NCOR2: variants seen among roughly 807,000 people sequenced by gnomAD.
NCOR2 encodes nuclear receptor corepressor 2.
A neutral mutation model predicts 262.9 loss-of-function variants in NCOR2; 81 were observed. The observed-to-expected ratio is 0.31, with a 90% confidence interval of 0.26 to 0.37. The LOEUF is 0.37. Among genes scored for constraint, NCOR2 ranks in the 10% least tolerant of loss-of-function variants. The pLI is 1.00. For missense variants in NCOR2, 3,385 were observed against 3,621.4 expected (o/e 0.93, Z 1.68); for synonymous variants, 1,659 against 1,559.3 (o/e 1.06, Z -1.51).
chr12:124,483,994 C>T lies in NCOR2; in HGVS notation c.234-221G>A, dbSNP rs1308969165. ...GGTCCACATTCACCGAGGACATTTA[C>T]AGGGAGGGAGTGTGCTACGGTGGCA... On this transcript the variant is annotated intron_variant, in intron 2 of 46. Transcript: ENST00000405201. The surrounding 1 kb of genome is among the most constrained non-coding windows in gnomAD (Gnocchi z 6.3). Among the ~76,000 whole-genome samples, 1 of 152,148 alleles carries T rather than the reference C, an allele frequency of 6.6e-6. No homozygotes were observed. Among genetic ancestry groups the T allele is most frequent in the Non-Finnish European group, 1.5e-5 (1 of 68,010 alleles).
At chr12:124,377,097 G>A (rs1005340170) in intron 18 of NCOR2, among the ~76,000 whole-genome samples, 5 of 152,200 alleles carry the variant, frequency 3.3e-5, no homozygotes, top group African/African-American at 1.2e-4. Flanking sequence ...TCGGCAGCCC[G>A]TGTTCAGTTC....
upstream of NCOR2, among the ~76,000 whole-genome samples, chr12:124,498,449 C>T (rs1360656325): frequency 6.6e-6 from 1 of 152,208 alleles, no homozygotes; most frequent in Non-Finnish European, 1.5e-5. Flanking sequence ...CCCCACCCAG[C>T]GCCTCACATG....
chr12:124,438,474 C>T (rs1182188708), intron 7 of NCOR2, among the ~76,000 whole-genome samples: 1 of 152,076 alleles, frequency 6.6e-6, no homozygotes, highest in Non-Finnish European at 1.5e-5. Context: ...CTCCAGCACA[C>T]CCAGTCCTGC....
chr12:124,401,316 T>C (rs1033208853), intron 14 of NCOR2, among the ~76,000 whole-genome samples: 8 of 152,232 alleles, frequency 5.3e-5, no homozygotes, highest in Admixed American at 3.9e-4. Flanking sequence ...GGCTATTTTA[T>C]TCCCCAAATG....
At chr12:124,555,217 G>T (rs2051843957) in intron 1 of NCOR2, among the ~76,000 whole-genome samples, 1 of 152,202 alleles carries the variant, frequency 6.6e-6, no homozygotes, top group Non-Finnish European at 1.5e-5. Context: ...AAGCGAGCTT[G>T]CCTGCATCCT....
intron 1 of NCOR2, among the ~76,000 whole-genome samples, chr12:124,546,839 G>C (rs1352948847): frequency 7.9e-5 from 12 of 152,162 alleles, no homozygotes; most frequent in Non-Finnish European, 1.6e-4. Context: ...AGACGGTCCT[G>C]CCTGTGAGTG....
chr12:124,371,909 C>CG (rs1471530525), intron 20 of NCOR2, 113 bp downstream of exon 22: 1 of 1,103,930 alleles, frequency 9.1e-7, no homozygotes, highest in East Asian at 2.7e-5. Context: ...AACCACACCT[C>CG]GGGCTCCCCC....
Position 124,405,822 on chromosome 12 carries a change from C to T in NCOR2, c.1483-3261G>A, listed in dbSNP as rs2042245210. Among the ~76,000 whole-genome samples, 2 of 151,570 alleles carry T rather than the reference C, an allele frequency of 1.3e-5. 1 individual carries two copies. The highest frequency in any genetic ancestry group is 4.1e-4 in the South Asian group (2 of 4,830). ...GTTTTAGGGCAGCAAGTGCAGCAGC[C>T]GACACTGGCGAGGCTGGGCTGCTGG... On this transcript the variant is annotated intron_variant, in intron 13 of 46. Coordinates refer to ENST00000405201, the Ensembl canonical transcript of NCOR2.
intron 13 of NCOR2, among the ~76,000 whole-genome samples, chr12:124,417,137 A>G (rs957294314): frequency 6.7e-6 from 1 of 150,126 alleles, no homozygotes; most frequent in Non-Finnish European, 1.5e-5. Context: ...AGCAGACCAG[A>G]CACTCACTCC....
exon 36 of NCOR2, chr12:124,340,392 T>C: frequency 6.2e-7 from 1 of 1,613,070 alleles, no homozygotes; most frequent in Non-Finnish European, 8.5e-7. Flanking sequence ...CCGGTCTCGC[T>C]CCCGCTCGGA....
At chr12:124,375,220 A>G (rs533373013) in intron 18 of NCOR2, among the ~76,000 whole-genome samples, 101 of 152,304 alleles carry the variant, frequency 6.6e-4, no homozygotes, top group Non-Finnish European at 1.1e-3. Flanking sequence ...CAGCAATGTC[A>G]TTCCCTTCCT....
At chr12:124,558,008 A>G (rs1482213834) in intron 1 of NCOR2, among the ~76,000 whole-genome samples, 2 of 151,868 alleles carry the variant, frequency 1.3e-5, no homozygotes, top group Admixed American at 6.6e-5. Context: ...TCCGGCCCCA[A>G]CCCCACCCGG....
At chr12:124,452,520 AT>A (rs1419465046) in intron 6 of NCOR2, among the ~76,000 whole-genome samples, 1 of 152,238 alleles carries the variant, frequency 6.6e-6, no homozygotes, top group Non-Finnish European at 1.5e-5. Context: ...CTTCACGGAA[AT>A]TTTGGATAGC....
intron 4 of NCOR2, among the ~76,000 whole-genome samples, chr12:124,469,404 G>A (rs1318182980): frequency 1.3e-5 from 2 of 152,068 alleles, no homozygotes; most frequent in East Asian, 3.9e-4. Flanking sequence ...CTTCAAGAAG[G>A]GCATCAAAAT....
intron 1 of NCOR2, among the ~76,000 whole-genome samples, chr12:124,546,076 C>T (rs1249041997): frequency 6.6e-6 from 1 of 152,240 alleles, no homozygotes; most frequent in Non-Finnish European, 1.5e-5. Flanking sequence ...GGCCACAGAG[C>T]ACAGGTCTCG....
intron 5 of NCOR2, among the ~76,000 whole-genome samples, chr12:124,462,411 C>G (rs1593652864): frequency 6.6e-6 from 1 of 152,252 alleles, no homozygotes; most frequent in African/African-American, 2.4e-5. Context: ...CTCAGGGCAA[C>G]GGCCTACCCG....
chr12:124,449,712 G>T, intron 7 of NCOR2, 103 bp downstream of exon 9: 11 of 1,401,822 alleles, frequency 7.8e-6, no homozygotes, highest in Non-Finnish European at 1.1e-5. Context: ...GGGAGCCCCT[G>T]ATGGGAACAG....
intron 44 of NCOR2, 40 bp from the exon 47 acceptor site, chr12:124,327,673 G>GC: frequency 6.6e-7 from 1 of 1,517,342 alleles, no homozygotes; most frequent in Non-Finnish European, 9.0e-7. Flanking sequence ...ACACATGGGG[G>GC]CCGGGGAGGG....
intron 31 of NCOR2, among the ~76,000 whole-genome samples, chr12:124,346,096 C>T (rs1394114650): frequency 2.6e-5 from 4 of 152,256 alleles, no homozygotes; most frequent in South Asian, 2.1e-4. Flanking sequence ...GCATTTGCTG[C>T]GTGACTCTGG....
Sources: allele counts gnomAD v4.1 joint callset (sites outside exome capture counted in the v4.1 genomes callset), GRCh38; gene constraint gnomAD v4.1.1; non-coding constraint Gnocchi (gnomAD v3.1); transcripts MANE v1.5; gene names NCBI Gene and HGNC (gene_info 2026-07-23, HGNC 2026-07-21).